Variants in GFRA1 observed in about 807,000 individuals in gnomAD.
GFRA1 encodes the protein GDNF family receptor alpha 1.
A neutral mutation model predicts 51.6 loss-of-function variants in GFRA1; 16 were observed. The ratio of observed to expected loss-of-function variants is 0.31; its 90% CI spans 0.21 to 0.47. The LOEUF (loss-of-function observed/expected upper bound fraction) is 0.47. GFRA1 is among the 20% of genes least tolerant of loss of function. GFRA1 has a pLI of 1.00. For synonymous variants in GFRA1, 270 were observed against 241.3 expected, an observed-to-expected ratio of 1.12 and a Z score of -1.10; for missense variants, 530 against 594.3, an observed-to-expected ratio of 0.89 and a Z score of 1.13.
chr10:116,090,021 T>C lies in GFRA1; in HGVS notation c.1016-99A>G, dbSNP rs571065886. 26 of 1,126,534 alleles carry C rather than the reference T, an allele frequency of 2.3e-5. No homozygotes were observed. In the African/African-American group the frequency reaches 2.6e-4, roughly 11 times the overall value. 69.8% of individuals were successfully genotyped at this position (1,126,534 alleles called of 1,614,324 possible). Reference sequence around the variant, plus strand: ...AGAGGCACACTAGAAATTCTGATTATAGCATTGGACTTCTCTGAACAAAAC... The same window carrying C: ...AGAGGCACACTAGAAATTCTGATTACAGCATTGGACTTCTCTGAACAAAAC... On this transcript the variant is annotated intron_variant, in intron 8 of 10. Coordinates refer to ENST00000355422, the MANE Select transcript of GFRA1 (RefSeq NM_005264.8).
chr10:116,208,157 G>A (rs768253075), intron 5 of GFRA1, among the ~76,000 whole-genome samples: 1 of 151,794 alleles, frequency 6.6e-6, no homozygotes, highest in African/African-American at 2.4e-5. Flanking sequence ...CTGGAACATC[G>A]GGGTGTTCCT....
chr10:116,178,183 A>C (rs1408802475), intron 5 of GFRA1, among the ~76,000 whole-genome samples: 1 of 152,100 alleles, frequency 6.6e-6, no homozygotes, highest in Non-Finnish European at 1.5e-5. Flanking sequence ...CAACTGGGAA[A>C]CTGGGAGGTT....
intron 6 of GFRA1, among the ~76,000 whole-genome samples, chr10:116,116,169 A>C (rs1355491142): frequency 6.6e-6 from 1 of 152,082 alleles, no homozygotes; most frequent in Admixed American, 6.5e-5. Context: ...ATCTCCACTC[A>C]CTGCAGCCTC....
intron 5 of GFRA1, among the ~76,000 whole-genome samples, chr10:116,128,320 A>G (rs1957957714): frequency 6.6e-6 from 1 of 152,216 alleles, no homozygotes; most frequent in African/African-American, 2.4e-5. Context: ...TTTTATGTTT[A>G]TAAGTTTCAA....
At chr10:116,100,982 A>T (rs970207781) in intron 6 of GFRA1, among the ~76,000 whole-genome samples, 10 of 152,186 alleles carry the variant, frequency 6.6e-5, no homozygotes, top group Non-Finnish European at 1.5e-4. Flanking sequence ...CAGGTTTACC[A>T]GGAAGATAAT....
intron 4 of GFRA1, among the ~76,000 whole-genome samples, chr10:116,239,582 C>T (rs1480540786): frequency 6.6e-6 from 1 of 152,076 alleles, no homozygotes; most frequent in Non-Finnish European, 1.5e-5. Context: ...AAGATAAGAA[C>T]GTAACTTAAC....
At chr10:116,073,950 A>T (rs951036706) in intron 9 of GFRA1, among the ~76,000 whole-genome samples, 1 of 152,204 alleles carries the variant, frequency 6.6e-6, no homozygotes, top group Non-Finnish European at 1.5e-5. Context: ...GCAAAAAAAC[A>T]AGGTAAAAGC....
In GFRA1 at chr10:116,174,411, C is replaced by T. The variant is rs368705257; in HGVS notation, c.433+37220G>A. ...TTTAATAACCTATAAATTTTAGTCA[C>T]GAGAATCATTCTTCAGCGTCTGGGG... is the stretch of plus-strand genomic sequence containing the variant. On this transcript the variant is annotated intron_variant, in intron 5 of 10. Transcript: ENST00000355422. 1.1e-4 allele frequency among the ~76,000 whole-genome samples: 16 copies of T among 152,258 alleles called. No homozygotes were observed. The East Asian group carries it at 1.5e-3, about 15-fold the overall frequency.
At chr10:116,255,849 G>C (rs1296036391) in intron 4 of GFRA1, 2 of 839,766 alleles carry the variant, frequency 2.4e-6, no homozygotes, top group African/African-American at 1.7e-5. Flanking sequence ...CTTAAGTGTA[G>C]AGTAGAAAAT....
chr10:116,238,458 A>C (rs1967083656), intron 4 of GFRA1, among the ~76,000 whole-genome samples: 1 of 152,226 alleles, frequency 6.6e-6, no homozygotes, highest in South Asian at 2.1e-4. Flanking sequence ...CGTCACATAT[A>C]TTTACACATG....
chr10:116,243,571 G>GA (rs1167086845), intron 4 of GFRA1, among the ~76,000 whole-genome samples: 120 of 135,768 alleles, frequency 8.8e-4, no homozygotes, highest in East Asian at 2.0e-3. Context: ...TTTTTTTTAA[G>GA]AAAAAAAAAA....
At chr10:116,196,625 T>C (rs1440663002) in intron 5 of GFRA1, among the ~76,000 whole-genome samples, 3 of 35,672 alleles carry the variant, frequency 8.4e-5, no homozygotes, top group Non-Finnish European at 1.5e-4. Flanking sequence ...ATATAATATA[T>C]ATAATATATA....
At position 116,164,111 on chromosome 10, in the gene GFRA1, C is replaced by T. The variant is rs372166027; in HGVS notation, c.434-38554G>A. ...ACTCTTCTCAGCCCTTCTCCAATGT[C>T]GCACAGGCCCTGCTTGCCACAGATG... On this transcript the variant is annotated intron_variant, in intron 5 of 10. Transcript: ENST00000355422. 5.3e-5 allele frequency among the ~76,000 whole-genome samples: 8 copies of T among 152,124 alleles called. No homozygotes were observed. In the East Asian group the frequency reaches 5.8e-4, roughly 11 times the overall value.
intron 4 of GFRA1, among the ~76,000 whole-genome samples, chr10:116,235,725 G>A (rs932707416): frequency 1.3e-5 from 2 of 152,146 alleles, no homozygotes; most frequent in Admixed American, 1.3e-4. Context: ...GGAGCCTTTC[G>A]GCAGTAATTA....
intron 5 of GFRA1, among the ~76,000 whole-genome samples, chr10:116,170,054 C>G (rs555681203): frequency 3.9e-5 from 6 of 152,228 alleles, no homozygotes; most frequent in Admixed American, 2.6e-4. Flanking sequence ...GGTTTGAGCA[C>G]GTGGAAGCAG....
intron 5 of GFRA1, among the ~76,000 whole-genome samples, chr10:116,211,296 C>A (rs1965174473): frequency 6.6e-6 from 1 of 152,208 alleles, no homozygotes; most frequent in Non-Finnish European, 1.5e-5. Flanking sequence ...GGCCTTCCCC[C>A]AGACTCCCCT....
intron 9 of GFRA1, among the ~76,000 whole-genome samples, chr10:116,079,305 T>C (rs576104907): frequency 6.6e-6 from 1 of 152,270 alleles, no homozygotes; most frequent in Non-Finnish European, 1.5e-5. Context: ...TATTTTGTTA[T>C]GACAGCCCAA....
intron 5 of GFRA1, among the ~76,000 whole-genome samples, chr10:116,156,860 C>T (rs757719392): frequency 3.9e-5 from 6 of 152,304 alleles, no homozygotes; most frequent in Middle Eastern, 3.4e-3. Flanking sequence ...TGTTTCCAAA[C>T]TAGGGGGAGG....
At chr10:116,182,850 C>CA (rs1962362912) in intron 5 of GFRA1, among the ~76,000 whole-genome samples, 1 of 152,192 alleles carries the variant, frequency 6.6e-6, no homozygotes, top group Non-Finnish European at 1.5e-5. Flanking sequence ...CAAACAATGA[C>CA]ATCCCCTTCA....
Sources: allele counts gnomAD v4.1 joint callset (sites outside exome capture counted in the v4.1 genomes callset), GRCh38; gene constraint gnomAD v4.1.1; transcripts MANE v1.5; gene names NCBI Gene and HGNC (gene_info 2026-07-23, HGNC 2026-07-21).